Variants in CCDC33 observed in about 807,000 individuals in gnomAD.
CCDC33 encodes the protein coiled-coil domain containing 33.
In CCDC33, 94 loss-of-function variants were observed where a neutral mutation model predicts 91.9. The observed-to-expected ratio is 1.02, with a 90% CI of 0.87 to 1.21. CCDC33 has a LOEUF of 1.21. Ranked by LOEUF, CCDC33 falls within the 50% of genes most tolerant of loss-of-function variation. The pLI, the probability that CCDC33 is intolerant of heterozygous loss-of-function variation, is 0.00. For missense variants in CCDC33, 940 were observed against 935.5 expected, an observed-to-expected ratio of 1.00 and a Z score of -0.06; for synonymous variants, 396 against 374.5, an observed-to-expected ratio of 1.06 and a Z score of -0.66.
chr15:74,217,299 G>A lies in CCDC33; in HGVS notation c.28G>A (p.Val10Ile), dbSNP rs998209422. Residue 10 changes from valine (V) to isoleucine (I), a missense_variant, in exon 1 of 3, where the codon GTC becomes ATC. Transcript: ENST00000635913. Reference sequence around the variant, plus strand: ...GGCATTCAGGGGGCCTGAACCCTGGGTCTCTGCATCCCTGCTGAGACAGAG... The same window carrying A: ...GGCATTCAGGGGGCCTGAACCCTGGATCTCTGCATCCCTGCTGAGACAGAG... The A allele has an allele frequency of 1.9e-5, 24 of 1,284,520 alleles. No individual in the cohort carries two copies. The African/African-American group carries it at 3.5e-4, about 19-fold the overall frequency. 79.6% of individuals were successfully genotyped at this position (1,284,520 alleles called of 1,614,324 possible).
At chr15:74,224,320 A>G (rs1428203881) in intron 2 of CCDC33, among the ~76,000 whole-genome samples, 1 of 152,142 alleles carries the variant, frequency 6.6e-6, no homozygotes, top group Non-Finnish European at 1.5e-5. Context: ...GGTGCGTTGA[A>G]ACACTCTCCA....
At chr15:74,217,300 T>C in exon 1 of CCDC33, 1 of 1,284,702 alleles carries the variant, frequency 7.8e-7, no homozygotes, top group Non-Finnish European at 1.0e-6. Context: ...GAACCCTGGG[T>C]CTCTGCATCC....
chr15:74,333,103 C>A, intron 16 of CCDC33: 1 of 884,982 alleles, frequency 1.1e-6, no homozygotes, highest in Non-Finnish European at 1.8e-6. Context: ...GTCCCTGAAC[C>A]CTGACCCCTT....
chr15:74,306,845 G>C (rs907001714), intron 11 of CCDC33, among the ~76,000 whole-genome samples: 1 of 152,180 alleles, frequency 6.6e-6, no homozygotes, highest in Non-Finnish European at 1.5e-5. Flanking sequence ...ATTTACTGCC[G>C]AGAGAGGGTT....
intron 1 of CCDC33, chr15:74,207,764 G>C (rs12915846): frequency 1.3e-6 from 2 of 1,535,546 alleles, no homozygotes; most frequent in South Asian, 2.4e-5. Context: ...ATGCGGGCCC[G>C]TGAGCTTGGG....
rs757779735 is a variant in CCDC33, at chr15:74,244,137, C to T, written c.174C>T (p.Pro58=). ...GCAAGGATGGCTCCGAGCCGTGGCC[C>T]TATGTGGTGGTGTAAGTAGCTGCGT... ...PACKDGSEPW[P]YVVVKSTSEE... Residue 58 remains proline, a synonymous_variant, in exon 2 of 19, where the codon CCC becomes CCT. Coordinates refer to ENST00000398814, the MANE Select transcript of CCDC33 (RefSeq NM_025055.5). This position sits in a 1 kb window ranked among gnomAD's most constrained non-coding sequence, Gnocchi z 4.2. The T allele has an allele frequency of 3.1e-6, 5 of 1,611,988 alleles. No homozygotes were observed. The South Asian group carries it at 5.5e-5, about 18-fold the overall frequency.
Position 74,262,533 on chromosome 15 carries a change from G to C in CCDC33, c.279G>C (p.Thr93=). 1 of 1,613,822 alleles carries C rather than the reference G, an allele frequency of 6.2e-7. No individual in the cohort carries two copies. Among genetic ancestry groups the C allele is most frequent in the Non-Finnish European group, 8.5e-7 (1 of 1,179,902 alleles). Residue 93 remains threonine, a synonymous_variant, in exon 3 of 19, where the codon ACG becomes ACC. Transcript: ENST00000398814. ...EPTRAPIWGD[T]VNVEIQAEDA... ...CCAGAGCCCCTATCTGGGGGGACAC[G>C]GTGAATGTGGAGATCCAAGCTGAGG...
chr15:74,232,288 G>C (rs75514567), upstream of CCDC33, among the ~76,000 whole-genome samples: 12,223 of 152,188 alleles, frequency 0.08, 535 homozygotes, highest in East Asian at 0.11. Context: ...TCAGGAGCTT[G>C]AGGGGAGTTT....
At chr15:74,240,946 A>T (rs1481691887) in intron 1 of CCDC33, among the ~76,000 whole-genome samples, 1 of 152,194 alleles carries the variant, frequency 6.6e-6, no homozygotes, top group Admixed American at 6.5e-5. Flanking sequence ...CTCCTGTGCC[A>T]CTAAACCAGG....
chr15:74,304,536 C>T (rs1328432883), intron 11 of CCDC33: 1 of 152,226 alleles, frequency 6.6e-6, no homozygotes, highest in Non-Finnish European at 1.5e-5. Context: ...ATATTTACGG[C>T]TCCGTTTCAA....
chr15:74,326,824 G>A (rs996310033), intron 11 of CCDC33, among the ~76,000 whole-genome samples: 1 of 152,116 alleles, frequency 6.6e-6, no homozygotes, highest in Non-Finnish European at 1.5e-5. Context: ...TGGAGCAGGG[G>A]AGTCAGCAGG....
At position 74,244,188 on chromosome 15, in the gene CCDC33, G is replaced by A. The variant is rs1311645436; in HGVS notation, c.185+40G>A. ...GAGAGTGGGGGCAGGGGATGGGTTG[G>A]GCTGTGAGCAGAAACCAGGGGACAG... On this transcript the variant is annotated intron_variant, in intron 2 of 18. Coordinates refer to ENST00000398814, the MANE Select transcript of CCDC33 (RefSeq NM_025055.5). This position sits in a 1 kb window ranked among gnomAD's most constrained non-coding sequence, Gnocchi z 4.2. The A allele has an allele frequency of 7.0e-6, 11 of 1,582,072 alleles. No individual in the cohort carries two copies. The highest frequency in any genetic ancestry group is 6.7e-5 in the African/African-American group (5 of 74,180).
chr15:74,231,348 C>A (rs1207842357), upstream of CCDC33, among the ~76,000 whole-genome samples: 1 of 152,242 alleles, frequency 6.6e-6, no homozygotes, highest in African/African-American at 2.4e-5. Flanking sequence ...TCCTCCAGGC[C>A]CCCTGGCTCT....
chr15:74,255,458 C>T (rs2075832409), intron 2 of CCDC33, among the ~76,000 whole-genome samples: 1 of 152,264 alleles, frequency 6.6e-6, no homozygotes, highest in Admixed American at 6.5e-5. Context: ...TACCCCTTCC[C>T]TGTTCCCATA....
chr15:74,333,448 G>A, intron 16 of CCDC33: 2 of 742,640 alleles, frequency 2.7e-6, no homozygotes, highest in Non-Finnish European at 4.5e-6. Flanking sequence ...GGCAGGGCAG[G>A]GGCACAGGAG....
intron 7 of CCDC33, among the ~76,000 whole-genome samples, chr15:74,279,653 C>T (rs1021486836): frequency 7.2e-5 from 11 of 152,140 alleles, no homozygotes; most frequent in Non-Finnish European, 1.6e-4. Context: ...TCTCCTGCCT[C>T]AGCCTCCTGG....
chr15:74,270,157 A>G (rs2076274591), intron 5 of CCDC33, among the ~76,000 whole-genome samples: 1 of 152,214 alleles, frequency 6.6e-6, no homozygotes, highest in African/African-American at 2.4e-5. Context: ...GTACGTGCCC[A>G]TCAGCTCACA....
intron 7 of CCDC33, among the ~76,000 whole-genome samples, chr15:74,279,700 C>T (rs917172790): frequency 1.3e-5 from 2 of 152,220 alleles, no homozygotes; most frequent in East Asian, 3.9e-4. Context: ...CCACACCTAG[C>T]TAATTTTTGT....
intron 5 of CCDC33, among the ~76,000 whole-genome samples, chr15:74,271,000 G>T (rs775297566): frequency 2.6e-5 from 4 of 152,122 alleles, no homozygotes; most frequent in Non-Finnish European, 4.4e-5. Context: ...GTGACAACCG[G>T]GATCTGATGA....
Sources: allele counts gnomAD v4.1 joint callset (sites outside exome capture counted in the v4.1 genomes callset), GRCh38; gene constraint gnomAD v4.1.1; non-coding constraint Gnocchi (gnomAD v3.1); transcripts MANE v1.5; gene names NCBI Gene and HGNC (gene_info 2026-07-23, HGNC 2026-07-21).